Variants in TRPM3 observed in about 807,000 individuals in gnomAD.
TRPM3 encodes the protein long transient receptor potential channel 3.
Under a neutral mutation model 181.2 loss-of-function variants are expected in TRPM3, and 77 were observed. That is an observed-to-expected ratio of 0.42 (90% CI 0.35 to 0.51). The LOEUF is 0.51. TRPM3 is among the 20% of genes least tolerant of loss of function. The probability of loss-of-function intolerance (pLI) is 0.01; values close to 1 mark genes in which losing one functional copy is unlikely to be tolerated. For synonymous variants in TRPM3, 745 were observed against 796.4 expected (o/e 0.94, Z 1.09); for missense variants, 1,759 against 2,196.7 (o/e 0.80, Z 3.98).
intron 1 of TRPM3, among the ~76,000 whole-genome samples, chr9:71,001,091 T>C (rs2097594283): frequency 1.3e-5 from 2 of 152,182 alleles, no homozygotes; most frequent in African/African-American, 2.4e-5. Context: ...GTGTAGCACT[T>C]GTTCAAGTGG....
intron 1 of TRPM3, among the ~76,000 whole-genome samples, chr9:71,368,921 A>C (rs1321277144): frequency 6.6e-6 from 1 of 152,218 alleles, no homozygotes; most frequent in Non-Finnish European, 1.5e-5. Flanking sequence ...AAATCCCCCA[A>C]ATAAACATGG....
chr9:71,290,424 T>TA (rs2085708795), intron 1 of TRPM3, among the ~76,000 whole-genome samples: 1 of 152,142 alleles, frequency 6.6e-6, no homozygotes, highest in Non-Finnish European at 1.5e-5. Flanking sequence ...TTTGGAATAA[T>TA]ACGTTTTAAA....
At chr9:71,151,526 A>G (rs1385751667) in intron 1 of TRPM3, among the ~76,000 whole-genome samples, 1 of 152,034 alleles carries the variant, frequency 6.6e-6, no homozygotes, top group Admixed American at 6.6e-5. Flanking sequence ...AATTGATAGA[A>G]CTTCTATGAA....
intron 1 of TRPM3, chr9:70,917,070 GA>G (rs2096603495): frequency 6.3e-7 from 1 of 1,596,502 alleles, no homozygotes; most frequent in South Asian, 1.1e-5. Context: ...TAGCACTGAG[GA>G]AAGCACTGCA....
intron 25 of TRPM3, among the ~76,000 whole-genome samples, chr9:70,548,222 A>G (rs1269836681): frequency 1.3e-5 from 2 of 152,240 alleles, no homozygotes; most frequent in African/African-American, 4.8e-5. Flanking sequence ...AAATATCTTC[A>G]GACTTTTAGT....
At chr9:71,074,759 C>T (rs2063225302) in intron 1 of TRPM3, among the ~76,000 whole-genome samples, 1 of 152,032 alleles carries the variant, frequency 6.6e-6, no homozygotes, top group Non-Finnish European at 1.5e-5. Context: ...GTACTTATTA[C>T]TAAAAACATA....
chr9:71,185,401 G>C (rs1327131617), intron 1 of TRPM3, among the ~76,000 whole-genome samples: 2 of 152,046 alleles, frequency 1.3e-5, no homozygotes, highest in Admixed American at 6.6e-5. Context: ...TTTTCATGTA[G>C]AGTAGCAAGA....
rs775580275 is a variant in TRPM3 at position 70,536,881 on chromosome 9, C to A, written c.4232G>T (p.Cys1411Phe). ...CATAGCAGAGACATAGATGTCTATA[C>A]ACGATGATGGTCTTCTGGAATCAGG... ...IVPDSRRPSS[C>F]IDIYVSAMDE... is the part of the protein sequence containing the mutation. Residue 1411 changes from cysteine (C) to phenylalanine (F), a missense_variant, in exon 26 of 26, where the codon TGT becomes TTT. Cys to Phe is a radical substitution (Grantham distance 205). This residue lies in a region of TRPM3 where 612 missense variants were observed against 590.0 expected (regional missense o/e 1.04). Transcript: ENST00000677713. The A allele has an allele frequency of 6.2e-7, 1 of 1,614,158 alleles. No individual in the cohort carries two copies. The highest frequency in any genetic ancestry group is 8.5e-7 in the Non-Finnish European group (1 of 1,180,058).
At chr9:70,938,879 A>G (rs1365178427) in intron 1 of TRPM3, among the ~76,000 whole-genome samples, 1 of 151,780 alleles carries the variant, frequency 6.6e-6, no homozygotes, top group Non-Finnish European at 1.5e-5. Context: ...AATGGCATGA[A>G]CCTGGGAGGC....
At chr9:71,406,322 T>A (rs12552926) in intron 1 of TRPM3, among the ~76,000 whole-genome samples, 1 of 152,020 alleles carries the variant, frequency 6.6e-6, no homozygotes, top group Non-Finnish European at 1.5e-5. Flanking sequence ...ATATACTCTA[T>A]AGAAAAATAA....
chr9:70,800,232 C>A (rs151166030), intron 6 of TRPM3, among the ~76,000 whole-genome samples: 2 of 152,276 alleles, frequency 1.3e-5, no homozygotes, highest in African/African-American at 4.8e-5. Context: ...AACAAAGTTG[C>A]TTGTGAATTT....
At chr9:70,562,189 G>T (rs977230721) in intron 22 of TRPM3, among the ~76,000 whole-genome samples, 1 of 152,168 alleles carries the variant, frequency 6.6e-6, no homozygotes, top group Non-Finnish European at 1.5e-5. Context: ...GTGAATGGGG[G>T]TATGTGGTTG....
chr9:70,915,434 A>T (rs1274519177), intron 1 of TRPM3, among the ~76,000 whole-genome samples: 1 of 150,776 alleles, frequency 6.6e-6, no homozygotes, highest in East Asian at 2.0e-4. Context: ...AGTAGCTGGG[A>T]CTACAGGCGC....
chr9:70,852,175 A>C (rs1470148697), intron 3 of TRPM3, among the ~76,000 whole-genome samples: 2 of 151,762 alleles, frequency 1.3e-5, no homozygotes, highest in Non-Finnish European at 2.9e-5. Flanking sequence ...AAAATCCCAA[A>C]AAACAAGAAC....
intron 1 of TRPM3, among the ~76,000 whole-genome samples, chr9:71,399,588 G>A (rs2093292035): frequency 7.2e-6 from 1 of 138,920 alleles, no homozygotes; most frequent in African/African-American, 2.6e-5. Context: ...GAGTGCAGTG[G>A]TATGATCTTG....
intron 9 of TRPM3, among the ~76,000 whole-genome samples, chr9:70,646,901 T>G: frequency 7.1e-6 from 1 of 141,036 alleles, no homozygotes; most frequent in Non-Finnish European, 1.5e-5. Flanking sequence ...ACCCTCAGAG[T>G]CTATTAGGGA....
intron 1 of TRPM3, among the ~76,000 whole-genome samples, chr9:71,061,504 T>C (rs1392623623): frequency 6.6e-6 from 1 of 152,086 alleles, no homozygotes; most frequent in Non-Finnish European, 1.5e-5. Context: ...AAGAGTGACT[T>C]ACTGTGCCTA....
chr9:71,107,711 T>C (rs188345049), intron 1 of TRPM3, among the ~76,000 whole-genome samples: 67 of 152,288 alleles, frequency 4.4e-4, no homozygotes, highest in African/African-American at 1.6e-3. Flanking sequence ...CATTTGACTG[T>C]TTTACATTTG....
At chr9:70,921,645 G>A (rs2096654216) in intron 1 of TRPM3, among the ~76,000 whole-genome samples, 1 of 152,168 alleles carries the variant, frequency 6.6e-6, no homozygotes, top group Non-Finnish European at 1.5e-5. Flanking sequence ...AGGAGGGAAG[G>A]TTGTACAGAG....
Sources: allele counts gnomAD v4.1 joint callset (sites outside exome capture counted in the v4.1 genomes callset), GRCh38; gene constraint gnomAD v4.1.1; regional missense constraint gnomAD v4.1.1; transcripts MANE v1.5; gene names NCBI Gene and HGNC (gene_info 2026-07-23, HGNC 2026-07-21).